AGR3: variants seen among roughly 807,000 people sequenced by gnomAD.
The protein encoded by AGR3 is anterior gradient protein 3.
Under a neutral mutation model 24.5 loss-of-function variants are expected in AGR3, and 37 were observed. That is an observed-to-expected ratio of 1.51 (90% CI 1.16 to 1.99). The LOEUF (loss-of-function observed/expected upper bound fraction) is 1.99, where lower values mean the gene tolerates loss of function less well. AGR3 is among the 30% of genes most tolerant of loss of function. AGR3 has a pLI of 0.00. For missense variants in AGR3, 228 were observed against 191.1 expected (o/e 1.19, Z -1.14); for synonymous variants, 75 against 61.6 (o/e 1.22, Z -1.02).
At chr7:16,869,628 G>C (rs1781826266) in intron 3 of AGR3, among the ~76,000 whole-genome samples, 2 of 150,590 alleles carry the variant, frequency 1.3e-5, no homozygotes, top group Non-Finnish European at 2.9e-5. Flanking sequence ...TTGAAAGGCT[G>C]AGGCAGGAGG....
downstream of AGR3, among the ~76,000 whole-genome samples, chr7:16,856,328 GA>G (rs1407410932): frequency 6.6e-6 from 1 of 152,122 alleles, no homozygotes; most frequent in Non-Finnish European, 1.5e-5. Flanking sequence ...GCTATTTTAG[GA>G]AAACAAATGG....
Position 16,859,633 on chromosome 7 carries a change from T to A in AGR3, c.452-2A>T. 1 of 1,493,900 alleles carries A rather than the reference T, an allele frequency of 6.7e-7. No individual in the cohort carries two copies. Among genetic ancestry groups the A allele is most frequent in the Non-Finnish European group, 9.2e-7 (1 of 1,089,860 alleles). 92.5% of individuals were successfully genotyped at this position (1,493,900 alleles called of 1,614,324 possible). A position where few individuals can be genotyped will look rare whatever the true frequency, so the allele number is the denominator to read the frequency against. Reference sequence around the variant, plus strand: ...ATGCTTTCTTCATGTTTTCTATCACTGAAATAAGAGTTAATATATATTATG... The same window carrying A: ...ATGCTTTCTTCATGTTTTCTATCACAGAAATAAGAGTTAATATATATTATG... On this transcript the variant is annotated splice_acceptor_variant, in intron 7 of 7. Coordinates refer to ENST00000310398, the MANE Select transcript of AGR3 (RefSeq NM_176813.5). LOFTEE classifies it high-confidence loss of function.
At chr7:16,865,330 G>C in intron 3 of AGR3, 1 of 1,175,770 alleles carries the variant, frequency 8.5e-7, no homozygotes, top group South Asian at 1.3e-5. Flanking sequence ...GAACATCCTT[G>C]ACAGAGCACC....
intron 2 of AGR3, among the ~76,000 whole-genome samples, chr7:16,875,446 AT>A (rs1322814373): frequency 1.3e-5 from 2 of 152,162 alleles, no homozygotes; most frequent in African/African-American, 2.4e-5. Flanking sequence ...TATTTAATTC[AT>A]TTTTTATGGT....
chr7:16,878,483 T>G (rs768041676), intron 2 of AGR3, 27 bp downstream of exon 2: 2 of 1,587,718 alleles, frequency 1.3e-6, no homozygotes, highest in Admixed American at 3.4e-5. Flanking sequence ...ATGACTGAGT[T>G]TAGAAAATAA....
At chr7:16,865,060 A>T (rs374375822) in intron 3 of AGR3, 23 of 788,034 alleles carry the variant, frequency 2.9e-5, no homozygotes, top group African/African-American at 1.0e-4. Flanking sequence ...GGCAACCAAG[A>T]TGAGTCTGAT....
At chr7:16,872,744 C>G (rs1206931798) in intron 3 of AGR3, among the ~76,000 whole-genome samples, 1 of 152,052 alleles carries the variant, frequency 6.6e-6, no homozygotes, top group African/African-American at 2.4e-5. Flanking sequence ...GGAACTCAAA[C>G]AACTCAACAA....
At chr7:16,881,909 A>G (rs766850647) in intron 1 of AGR3, 35 bp downstream of exon 1, 8 of 470,892 alleles carry the variant, frequency 1.7e-5, no homozygotes, top group African/African-American at 4.0e-5. Context: ...AAGCTTGACC[A>G]CTGATTAAGT....
At chr7:16,866,908 C>T (rs570673268) in intron 3 of AGR3, among the ~76,000 whole-genome samples, 14 of 152,122 alleles carry the variant, frequency 9.2e-5, no homozygotes, top group Admixed American at 3.3e-4. Context: ...CAGAAAATTC[C>T]GTGTAATTGA....
chr7:16,862,823 G>A (rs1781675692), intron 3 of AGR3, among the ~76,000 whole-genome samples, 161 bp from the exon 4 acceptor site: 1 of 152,130 alleles, frequency 6.6e-6, no homozygotes, highest in African/African-American at 2.4e-5. Context: ...TACTCTATTT[G>A]TGGCCTCAGA....
chr7:16,862,828 C>G (rs1344132240), intron 3 of AGR3, among the ~76,000 whole-genome samples, 166 bp from the exon 4 acceptor site: 1 of 152,126 alleles, frequency 6.6e-6, no homozygotes, highest in African/African-American at 2.4e-5. Context: ...TATTTGTGGC[C>G]TCAGAACTGA....
chr7:16,864,416 G>A, intron 3 of AGR3: 1 of 1,275,286 alleles, frequency 7.8e-7, no homozygotes, highest in Admixed American at 1.7e-5. Context: ...TCCTGTGCGG[G>A]TTCACCCAGA....
chr7:16,880,303 G>C (rs1488605274), intron 1 of AGR3, among the ~76,000 whole-genome samples: 2 of 151,612 alleles, frequency 1.3e-5, no homozygotes, highest in East Asian at 3.9e-4. Flanking sequence ...TGGGACTACA[G>C]GTGTCCACCA....
At chr7:16,872,871 C>T (rs1413244429) in intron 3 of AGR3, among the ~76,000 whole-genome samples, 3 of 152,066 alleles carry the variant, frequency 2.0e-5, no homozygotes, top group Non-Finnish European at 2.9e-5. Context: ...CTCTAATCAT[C>T]GGGGAAAGGC....
intron 2 of AGR3, among the ~76,000 whole-genome samples, chr7:16,877,596 G>A (rs1318204877): frequency 6.6e-6 from 1 of 151,974 alleles, no homozygotes; most frequent in Non-Finnish European, 1.5e-5. Flanking sequence ...GGGCGCGGTG[G>A]CTCACGCCTG....
intron 3 of AGR3, among the ~76,000 whole-genome samples, chr7:16,868,378 C>A (rs1781801492): frequency 6.6e-6 from 1 of 152,184 alleles, no homozygotes; most frequent in Admixed American, 6.5e-5. Context: ...TAGTCTCGAA[C>A]TCCCGACCTC....
chr7:16,864,711 A>G (rs1455203172), intron 3 of AGR3: 9 of 1,531,786 alleles, frequency 5.9e-6, no homozygotes, highest in East Asian at 2.2e-5. Context: ...CATACTTTTT[A>G]TGTATTAGAA....
At chr7:16,864,210 T>A in intron 3 of AGR3, 4 of 1,099,592 alleles carry the variant, frequency 3.6e-6, no homozygotes, top group Non-Finnish European at 5.2e-6. Flanking sequence ...GAAGTACCAC[T>A]GAATGAAACA....
intron 3 of AGR3, among the ~76,000 whole-genome samples, chr7:16,863,856 C>T (rs545975412): frequency 2.0e-5 from 3 of 150,706 alleles, no homozygotes; most frequent in African/African-American, 7.3e-5. Flanking sequence ...GCTAAACATG[C>T]TTTTTTTTTA....
Sources: gnomAD v4.1 joint callset for allele counts (sites outside exome capture counted in the v4.1 genomes callset) on GRCh38, gnomAD v4.1.1 for gene constraint, MANE v1.5 for transcripts, NCBI Gene and HGNC (gene_info 2026-07-23, HGNC 2026-07-21) for gene names.